The following VDAC1 variants were observed in gnomAD, a reference collection of about 807,000 sequenced individuals.
The protein encoded by VDAC1 is non-selective voltage-gated ion channel VDAC1.
A neutral mutation model predicts 34.7 loss-of-function variants in VDAC1; 10 were observed. That is an observed-to-expected ratio of 0.29 (90% CI 0.18 to 0.49). The LOEUF is 0.49. VDAC1 is among the 20% of genes least tolerant of loss of function. The probability of loss-of-function intolerance (pLI) is 0.99; values close to 1 mark genes in which losing one functional copy is unlikely to be tolerated. For synonymous variants in VDAC1, 130 were observed against 136.0 expected (o/e 0.96, Z 0.30); for missense variants, 230 against 347.9 (o/e 0.66, Z 2.69).
At chr5:134,109,820 G>A in the VDAC1 span, among the ~76,000 whole-genome samples, 2 of 151,626 alleles carry the variant, frequency 1.3e-5, no homozygotes, top group Non-Finnish European at 2.9e-5. Flanking sequence ...CAGCTTCCAG[G>A]TGAATTTGGG....
chr5:134,062,368 G>T, the VDAC1 span, among the ~76,000 whole-genome samples: 4 of 151,522 alleles, frequency 2.6e-5, no homozygotes, highest in Admixed American at 2.0e-4. Flanking sequence ...TTATATGATT[G>T]TTCTTCTTTA....
chr5:134,102,823 G>A, the VDAC1 span, among the ~76,000 whole-genome samples: 10 of 152,264 alleles, frequency 6.6e-5, no homozygotes, highest in South Asian at 6.2e-4. Flanking sequence ...TAGGGCAGAG[G>A]AGGGTCCCTG....
At chr5:134,028,794 G>A in the VDAC1 span, among the ~76,000 whole-genome samples, 2 of 152,148 alleles carry the variant, frequency 1.3e-5, no homozygotes, top group Non-Finnish European at 2.9e-5. Flanking sequence ...AGATTCCTAG[G>A]CCCTGTATCA....
At chr5:134,099,642 G>A in the VDAC1 span, among the ~76,000 whole-genome samples, 1 of 152,186 alleles carries the variant, frequency 6.6e-6, no homozygotes. Context: ...GGGCAGTGGT[G>A]CAATCACAAC....
At chr5:134,089,566 T>TG in the VDAC1 span, among the ~76,000 whole-genome samples, 3 of 151,696 alleles carry the variant, frequency 2.0e-5, no homozygotes, top group Non-Finnish European at 4.4e-5. Flanking sequence ...TGAGGAGAGG[T>TG]GGGGGGAGCC....
At chr5:134,102,871 G>A in the VDAC1 span, among the ~76,000 whole-genome samples, 1 of 152,020 alleles carries the variant, frequency 6.6e-6, no homozygotes, top group African/African-American at 2.4e-5. Flanking sequence ...CATGTCTGGA[G>A]GTCCTAGTGT....
the VDAC1 span, among the ~76,000 whole-genome samples, chr5:134,098,599 G>T: frequency 6.6e-6 from 1 of 152,190 alleles, no homozygotes; most frequent in East Asian, 1.9e-4. Context: ...TGGACAGGTG[G>T]TGGTGTCCTG....
the VDAC1 span, among the ~76,000 whole-genome samples, chr5:134,036,791 A>C: frequency 2.0e-5 from 3 of 151,928 alleles, no homozygotes; most frequent in African/African-American, 7.3e-5. Context: ...ATCTCTACTA[A>C]AAATACAAAG....
chr5:134,076,437 G>A, the VDAC1 span, among the ~76,000 whole-genome samples: 86 of 152,210 alleles, frequency 5.7e-4, no homozygotes, highest in African/African-American at 1.9e-3. Context: ...TATGTGTTTC[G>A]GTGTGTCTAA....
At chr5:133,979,413 T>C (rs1752600741) in intron 6 of VDAC1, among the ~76,000 whole-genome samples, 2 of 147,512 alleles carry the variant, frequency 1.4e-5, no homozygotes, top group South Asian at 4.2e-4. Flanking sequence ...ATAAAATTGA[T>C]ATTTTCTTTG....
the VDAC1 span, among the ~76,000 whole-genome samples, chr5:134,078,887 A>C: frequency 6.6e-6 from 1 of 151,594 alleles, no homozygotes; most frequent in Non-Finnish European, 1.5e-5. Context: ...CTGACCTCAG[A>C]TGATTTGCCC....
At chr5:134,075,415 T>C in the VDAC1 span, among the ~76,000 whole-genome samples, 3 of 152,220 alleles carry the variant, frequency 2.0e-5, no homozygotes, top group African/African-American at 7.2e-5. Context: ...AGCACACTAC[T>C]CACACTACTA....
At chr5:134,054,929 C>G in the VDAC1 span, among the ~76,000 whole-genome samples, 1 of 152,224 alleles carries the variant, frequency 6.6e-6, no homozygotes, top group Admixed American at 6.5e-5. Flanking sequence ...ATCAGGTAGG[C>G]AAGTGGGCTA....
the VDAC1 span, among the ~76,000 whole-genome samples, chr5:134,059,729 C>T: frequency 4.0e-5 from 6 of 151,800 alleles, no homozygotes; most frequent in Admixed American, 3.9e-4. Flanking sequence ...CTATACCCCC[C>T]ACCTCAATCC....
At chr5:133,999,844 T>C (rs1753473038) in intron 1 of VDAC1, among the ~76,000 whole-genome samples, 2 of 152,128 alleles carry the variant, frequency 1.3e-5, no homozygotes, top group African/African-American at 2.4e-5. Flanking sequence ...TCATCATCAT[T>C]GCCATCATCT....
At chr5:134,087,801 A>G in the VDAC1 span, among the ~76,000 whole-genome samples, 2 of 150,828 alleles carry the variant, frequency 1.3e-5, no homozygotes, top group East Asian at 1.9e-4. Flanking sequence ...GGTTGCAGTG[A>G]GCTGAGATCG....
At chr5:134,065,730 T>A in the VDAC1 span, among the ~76,000 whole-genome samples, 1 of 152,058 alleles carries the variant, frequency 6.6e-6, no homozygotes, top group East Asian at 1.9e-4. Flanking sequence ...TAAAATTTGC[T>A]TTATGAATTA....
chr5:133,990,880 C>A lies in VDAC1; in HGVS notation c.298G>T (p.Asp100Tyr). The A allele has an allele frequency of 1.6e-5, 25 of 1,565,008 alleles. No homozygotes were observed. The highest frequency in any genetic ancestry group is 2.1e-5 in the Non-Finnish European group (24 of 1,154,238). ...QLARGLKLTF[D>Y]SSFSPNTGKK... is the part of the protein sequence containing the mutation. The stretch of plus-strand genomic sequence containing the variant: ...CCAGTGTTAGGTGAGAAGGATGAAT[C>A]GAAGGTCAGCTTCAGTCCACGTGCA... Residue 100 changes from aspartate (D) to tyrosine (Y), a missense_variant, in exon 5 of 9, where the codon GAT becomes TAT. Coordinates refer to ENST00000265333, the MANE Select transcript of VDAC1 (RefSeq NM_003374.3).
chr5:133,993,514 T>G (rs1172655215), intron 1 of VDAC1, among the ~76,000 whole-genome samples: 1 of 152,188 alleles, frequency 6.6e-6, no homozygotes, highest in Non-Finnish European at 1.5e-5. Context: ...TCAACAAATA[T>G]TTATGGAGTA....
Sources: gnomAD v4.1 joint callset for allele counts (sites outside exome capture counted in the v4.1 genomes callset) on GRCh38, gnomAD v4.1.1 for gene constraint, MANE v1.5 for transcripts, NCBI Gene and HGNC (gene_info 2026-07-23, HGNC 2026-07-21) for gene names.